The following CTNNA3 variants were observed in gnomAD, a reference collection of about 807,000 sequenced individuals.
CTNNA3 encodes catenin alpha 3.
In CTNNA3, 76 loss-of-function variants were observed where a neutral mutation model predicts 95.7. That is an observed-to-expected ratio of 0.79 (90% CI 0.66 to 0.96). CTNNA3 has a LOEUF of 0.96. Ranked by LOEUF, CTNNA3 falls within the 40% of genes least tolerant of loss-of-function variation. CTNNA3 has a pLI of 0.00. For synonymous variants in CTNNA3, 431 were observed against 374.4 expected (o/e 1.15, Z -1.74); for missense variants, 1,191 against 1,089.8 (o/e 1.09, Z -1.31).
At chr10:67,305,277 G>A (rs1412439410) in intron 5 of CTNNA3, among the ~76,000 whole-genome samples, 1 of 151,580 alleles carries the variant, frequency 6.6e-6, no homozygotes, top group Non-Finnish European at 1.5e-5. Context: ...CTCCACGTTA[G>A]TGGGTGCAGC....
chr10:66,927,897 G>A lies in CTNNA3; in HGVS notation c.1048-152373C>T, dbSNP rs1221434041. ...ATATTTGCTCCCTTGTAAACTGGCT[G>A]AAAAGTTTTAAAGGTCTAAGGGAGA... On this transcript the variant is annotated intron_variant, in intron 7 of 17. Coordinates refer to ENST00000433211, the MANE Select transcript of CTNNA3 (RefSeq NM_013266.4). This position sits in a 1 kb window ranked among gnomAD's most constrained non-coding sequence, Gnocchi z 4.7. 1 of 1,614,246 alleles carries A rather than the reference G, an allele frequency of 6.2e-7. No individual in the cohort carries two copies. Among genetic ancestry groups the A allele is most frequent in the South Asian group, 1.1e-5 (1 of 91,084 alleles).
chr10:66,065,019 G>A (rs979467414), intron 15 of CTNNA3, among the ~76,000 whole-genome samples: 1 of 152,084 alleles, frequency 6.6e-6, no homozygotes, highest in Non-Finnish European at 1.5e-5. Flanking sequence ...GGAAATAGAG[G>A]CAGGAAATAT....
intron 5 of CTNNA3, among the ~76,000 whole-genome samples, chr10:67,350,315 G>GA (rs1842582654): frequency 6.6e-6 from 1 of 152,034 alleles, no homozygotes; most frequent in Non-Finnish European, 1.5e-5. Flanking sequence ...CACCATTATA[G>GA]AAAGACTGGA....
At chr10:66,421,708 C>A (rs1394920547) in intron 11 of CTNNA3, among the ~76,000 whole-genome samples, 1 of 150,594 alleles carries the variant, frequency 6.6e-6, no homozygotes, top group Non-Finnish European at 1.5e-5. Flanking sequence ...TGGTGGTGCA[C>A]GCCTGTAGTC....
At chr10:65,949,909 C>T (rs145874563) in intron 17 of CTNNA3, among the ~76,000 whole-genome samples, 32 of 152,172 alleles carry the variant, frequency 2.1e-4, no homozygotes, top group African/African-American at 7.5e-4. Context: ...TGGCCACTGG[C>T]ATCAGAGTGG....
chr10:66,075,734 T>G (rs2080538086), intron 14 of CTNNA3, among the ~76,000 whole-genome samples: 2 of 151,674 alleles, frequency 1.3e-5, no homozygotes, highest in African/African-American at 4.8e-5. Flanking sequence ...GATAAGAAAA[T>G]TGTCCCAGAA....
chr10:66,470,590 A>G (rs934224958), intron 11 of CTNNA3, among the ~76,000 whole-genome samples: 1 of 151,908 alleles, frequency 6.6e-6, no homozygotes, highest in Non-Finnish European at 1.5e-5. Context: ...TGAGGCATTC[A>G]TTGTATTACT....
chr10:66,561,744 C>T (rs770312737), intron 10 of CTNNA3, among the ~76,000 whole-genome samples: 3 of 152,004 alleles, frequency 2.0e-5, no homozygotes, highest in Non-Finnish European at 4.4e-5. Flanking sequence ...AAAAACTTTA[C>T]CTAATGGAAA....
intron 7 of CTNNA3, among the ~76,000 whole-genome samples, chr10:66,916,777 G>A (rs911263726): frequency 6.6e-6 from 1 of 152,184 alleles, no homozygotes; most frequent in African/African-American, 2.4e-5. Flanking sequence ...CTCAGTTGAT[G>A]TCCAGAGAGT....
chr10:66,515,345 CTA>C (rs1554809600), intron 11 of CTNNA3, among the ~76,000 whole-genome samples: 10 of 148,918 alleles, frequency 6.7e-5, no homozygotes, highest in Non-Finnish European at 1.0e-4. Flanking sequence ...CTCTCTCTCT[CTA>C]TATATATATA....
intron 5 of CTNNA3, among the ~76,000 whole-genome samples, chr10:67,325,352 T>C (rs1841497431): frequency 1.3e-5 from 2 of 152,186 alleles, no homozygotes; most frequent in African/African-American, 4.8e-5. Flanking sequence ...TCTTTCTAAC[T>C]TTTTGATGTG....
chr10:66,085,378 C>T (rs1282519025), intron 14 of CTNNA3, among the ~76,000 whole-genome samples: 1 of 152,008 alleles, frequency 6.6e-6, no homozygotes, highest in Non-Finnish European at 1.5e-5. Context: ...ATAATTTAAC[C>T]AGTTTTCATT....
intron 7 of CTNNA3, chr10:67,097,839 C>A (rs759135287): frequency 8.3e-6 from 13 of 1,562,686 alleles, no homozygotes; most frequent in Non-Finnish European, 1.1e-5. Context: ...AACTTTGTAA[C>A]CTCAAGGACA....
chr10:67,550,744 C>T (rs1446038769), intron 3 of CTNNA3, among the ~76,000 whole-genome samples: 1 of 143,500 alleles, frequency 7.0e-6, no homozygotes, highest in East Asian at 1.9e-4. Flanking sequence ...AGGTGAAAGC[C>T]TTTAGTTCTC....
intron 13 of CTNNA3, among the ~76,000 whole-genome samples, chr10:66,118,903 A>G (rs530248235): frequency 6.6e-6 from 1 of 151,840 alleles, no homozygotes; most frequent in Admixed American, 6.6e-5. Context: ...TTTTATATTT[A>G]TATTTATTAT....
intron 5 of CTNNA3, among the ~76,000 whole-genome samples, chr10:67,430,820 T>TAC (rs371146065): frequency 0.022 from 3,049 of 138,826 alleles, 101 homozygotes; most frequent in African/African-American, 0.07. Flanking sequence ...CAAACATAAC[T>TAC]ACACACACAC....
intron 15 of CTNNA3, among the ~76,000 whole-genome samples, chr10:66,017,550 C>T (rs1006448510): frequency 6.6e-6 from 1 of 152,034 alleles, no homozygotes; most frequent in Non-Finnish European, 1.5e-5. Flanking sequence ...AATAAAGTCA[C>T]TATAGTGCTA....
intron 6 of CTNNA3, among the ~76,000 whole-genome samples, chr10:67,212,144 CATT>C (rs1031520668): frequency 1.3e-5 from 2 of 151,972 alleles, no homozygotes; most frequent in Admixed American, 6.6e-5. Context: ...TATTCAATTT[CATT>C]ATTAACTACC....
intron 5 of CTNNA3, among the ~76,000 whole-genome samples, chr10:67,434,410 A>T (rs1846228548): frequency 6.6e-6 from 1 of 152,010 alleles, no homozygotes. Context: ...TGGGTGCTTA[A>T]TGAACACTAC....
Sources: gnomAD v4.1 joint callset for allele counts (sites outside exome capture counted in the v4.1 genomes callset) on GRCh38, gnomAD v4.1.1 for gene constraint, Gnocchi (gnomAD v3.1) non-coding constraint, MANE v1.5 for transcripts, NCBI Gene and HGNC (gene_info 2026-07-23, HGNC 2026-07-21) for gene names.